KCNN2: variants seen among roughly 807,000 people sequenced by gnomAD.
KCNN2 encodes small conductance calcium-activated potassium channel protein 2.
In KCNN2, 24 loss-of-function variants were observed where a neutral mutation model predicts 55.5. The observed-to-expected ratio is 0.43, with a 90% CI of 0.31 to 0.61. The LOEUF is 0.61. Among genes scored for constraint, KCNN2 ranks in the 20% least tolerant of loss-of-function variants. The probability of loss-of-function intolerance (pLI) is 0.08; values close to 1 mark genes in which losing one functional copy is unlikely to be tolerated. For missense variants in KCNN2, 754 were observed against 853.6 expected, an observed-to-expected ratio of 0.88 and a Z score of 1.45; for synonymous variants, 431 against 336.1, an observed-to-expected ratio of 1.28 and a Z score of -3.09.
intron 3 of KCNN2, among the ~76,000 whole-genome samples, chr5:114,447,142 A>T (rs1760445570): frequency 6.6e-6 from 1 of 152,160 alleles, no homozygotes; most frequent in African/African-American, 2.4e-5. Flanking sequence ...ATTTCCTATA[A>T]GCTTCCTCAA....
At chr5:114,075,638 A>G (rs1195858822) in intron 1 of KCNN2, among the ~76,000 whole-genome samples, 1 of 152,208 alleles carries the variant, frequency 6.6e-6, no homozygotes, top group African/African-American at 2.4e-5. Flanking sequence ...TATACTCACA[A>G]CTGGCCATTA....
chr5:114,474,691 C>G (rs1397330979), intron 5 of KCNN2, among the ~76,000 whole-genome samples: 2 of 152,124 alleles, frequency 1.3e-5, no homozygotes, highest in African/African-American at 2.4e-5. Context: ...GGGCTCTATG[C>G]TGGGACAATT....
intron 2 of KCNN2, among the ~76,000 whole-genome samples, chr5:114,278,432 G>A (rs1223556523): frequency 7.9e-5 from 12 of 152,234 alleles, no homozygotes; most frequent in Non-Finnish European, 1.5e-5. Context: ...GCTGTCTTTT[G>A]TTCAGATATG....
intron 2 of KCNN2, among the ~76,000 whole-genome samples, chr5:114,311,078 T>A (rs546017016): frequency 6.6e-6 from 1 of 152,202 alleles, no homozygotes; most frequent in Non-Finnish European, 1.5e-5. Flanking sequence ...CTTGGTGAGA[T>A]AAGCTTATAT....
intron 1 of KCNN2, among the ~76,000 whole-genome samples, chr5:114,174,428 G>A (rs1438616990): frequency 1.3e-5 from 2 of 152,098 alleles, no homozygotes; most frequent in Non-Finnish European, 2.9e-5. Flanking sequence ...AGCATTTAGA[G>A]TAGATTATGG....
chr5:114,066,714 G>A (rs1212466220), intron 1 of KCNN2, among the ~76,000 whole-genome samples: 1 of 152,122 alleles, frequency 6.6e-6, no homozygotes, highest in Non-Finnish European at 1.5e-5. Context: ...CAAGTAGCTG[G>A]GACTACAGGC....
At chr5:114,298,903 C>T (rs975066289) in intron 2 of KCNN2, among the ~76,000 whole-genome samples, 5 of 152,082 alleles carry the variant, frequency 3.3e-5, no homozygotes, top group Admixed American at 3.3e-4. Flanking sequence ...TGGTAAGATA[C>T]AGCCAAGGCA....
intron 2 of KCNN2, among the ~76,000 whole-genome samples, chr5:114,255,993 C>A (rs1035467505): frequency 2.0e-5 from 3 of 152,020 alleles, no homozygotes; most frequent in African/African-American, 7.2e-5. Context: ...ATCTCCCATC[C>A]CCCTCCTACT....
intron 1 of KCNN2, among the ~76,000 whole-genome samples, chr5:114,153,876 C>T (rs1006126516): frequency 1.3e-5 from 2 of 152,144 alleles, no homozygotes; most frequent in African/African-American, 4.8e-5. Flanking sequence ...ATTTCCCTCC[C>T]TTGGAGGTTT....
intron 3 of KCNN2, among the ~76,000 whole-genome samples, chr5:114,427,671 G>A (rs1370135860): frequency 3.3e-5 from 5 of 152,122 alleles, no homozygotes; most frequent in Non-Finnish European, 7.4e-5. Context: ...TCAGTAAATG[G>A]GGCCTTCCCC....
intron 2 of KCNN2, among the ~76,000 whole-genome samples, chr5:114,299,256 C>T (rs1169655747): frequency 6.6e-6 from 1 of 152,088 alleles, no homozygotes; most frequent in Non-Finnish European, 1.5e-5. Context: ...CACACATACA[C>T]AAATATCCTG....
chr5:114,383,107 T>C (rs1212497657), intron 2 of KCNN2, among the ~76,000 whole-genome samples: 1 of 152,208 alleles, frequency 6.6e-6, no homozygotes, highest in Admixed American at 6.5e-5. Context: ...TACTAAGCTA[T>C]GATAACTTAA....
chr5:114,206,311 C>G (rs1002958849), intron 1 of KCNN2, among the ~76,000 whole-genome samples: 3 of 152,150 alleles, frequency 2.0e-5, no homozygotes, highest in African/African-American at 4.8e-5. Flanking sequence ...CCTTCTTCTT[C>G]TGGGATTACC....
At chr5:114,471,806 G>T (rs1359787087) in intron 4 of KCNN2, among the ~76,000 whole-genome samples, 1 of 152,106 alleles carries the variant, frequency 6.6e-6, no homozygotes, top group Admixed American at 6.6e-5. Context: ...TCATCATTGT[G>T]GCAATGTTTC....
chr5:114,065,975 A>T (rs1341988372), intron 1 of KCNN2, among the ~76,000 whole-genome samples: 1 of 146,240 alleles, frequency 6.8e-6, no homozygotes, highest in East Asian at 2.1e-4. Flanking sequence ...GTGGCTTTAT[A>T]TGACTATCAT....
At chr5:114,412,197 G>C (rs1469083032) in intron 3 of KCNN2, among the ~76,000 whole-genome samples, 1 of 152,150 alleles carries the variant, frequency 6.6e-6, no homozygotes, top group Non-Finnish European at 1.5e-5. Flanking sequence ...CTTGCATATG[G>C]AATATGGGCA....
At chr5:114,321,490 G>A (rs1472013147) in intron 2 of KCNN2, among the ~76,000 whole-genome samples, 1 of 152,142 alleles carries the variant, frequency 6.6e-6, no homozygotes, top group Non-Finnish European at 1.5e-5. Flanking sequence ...TAGCTCTCTT[G>A]GAGCCCCCTC....
At chr5:114,369,932 G>T (rs954314051) in intron 2 of KCNN2, among the ~76,000 whole-genome samples, 4 of 152,074 alleles carry the variant, frequency 2.6e-5, no homozygotes, top group Non-Finnish European at 4.4e-5. Flanking sequence ...ACCACGTTTG[G>T]CAGGGAGCAC....
chr5:114,281,459 G>C (rs1390353259), intron 2 of KCNN2, among the ~76,000 whole-genome samples: 3 of 152,050 alleles, frequency 2.0e-5, no homozygotes, highest in African/African-American at 7.2e-5. Context: ...ATGATTATTT[G>C]AGTGTGGCAA....
Sources: gnomAD v4.1 joint callset for allele counts (sites outside exome capture counted in the v4.1 genomes callset) on GRCh38, gnomAD v4.1.1 for gene constraint, MANE v1.5 for transcripts, NCBI Gene and HGNC (gene_info 2026-07-23, HGNC 2026-07-21) for gene names.